Variants in FOXB1 observed in about 807,000 individuals in gnomAD.
FOXB1 encodes the protein forkhead box protein B1.
In FOXB1, 6 loss-of-function variants were observed where a neutral mutation model predicts 18.6. That is an observed-to-expected ratio of 0.32 (90% CI 0.18 to 0.64). The LOEUF (loss-of-function observed/expected upper bound fraction) is 0.64, where lower values mean the gene tolerates loss of function less well. FOXB1 is among the 30% of genes least tolerant of loss of function. The probability of loss-of-function intolerance (pLI) is 0.78; values close to 1 mark genes in which losing one functional copy is unlikely to be tolerated. For synonymous variants in FOXB1, 213 were observed against 216.0 expected (o/e 0.99, Z 0.12); for missense variants, 419 against 463.6 (o/e 0.90, Z 0.88).
In FOXB1 at chr15:60,006,171, G is replaced by A. The variant is rs1055131811; in HGVS notation, c.*230G>A. ...GAGTTGTCCTCGCCCCCACATCAAG[G>A]AAGGCCGGGGCCACCTGAGCCGAAC... On this transcript the variant is annotated 3_prime_UTR_variant, in exon 2 of 2. Transcript: ENST00000396057. The A allele has an allele frequency of 4.5e-5, 25 of 553,912 alleles. No homozygotes were observed. Among genetic ancestry groups the A allele is most frequent in the Non-Finnish European group, 7.3e-5 (24 of 327,494 alleles). 34.3% of individuals were successfully genotyped at this position (553,912 alleles called of 1,614,324 possible).
rs1892081698 is a variant in FOXB1 at position 60,005,458 on chromosome 15, C to G, written c.495C>G (p.Gly165=). The change falls in exon 2 of 2, where the codon GGC becomes GGG. Residue 165 remains glycine, a synonymous_variant. Coordinates refer to ENST00000396057, the MANE Select transcript of FOXB1 (RefSeq NM_012182.3). The surrounding 1 kb of genome is among the most constrained non-coding windows in gnomAD (Gnocchi z 9.8). ...TGGGCGGCGTGGCGCAGCCCTCGGG[C>G]TTCAAGCACCCCTTCGCCATCGAGA... ...YNLGGVAQPS[G]FKHPFAIENI... is the part of the protein sequence containing the mutation. The G allele has an allele frequency of 6.2e-7, 1 of 1,611,506 alleles. No homozygotes were observed. Among genetic ancestry groups the G allele is most frequent in the Non-Finnish European group, 8.5e-7 (1 of 1,179,522 alleles).
chr15:60,005,349 T>G lies in FOXB1; in HGVS notation c.386T>G (p.Leu129Arg). ...AAGCCAGCCGACGCGGCGCAGTACC[T>G]GCAGCAGCAGGCCAAGCTGCGGCTC... ...PSKPADAAQYLQQQAKLRLSA... is the reference protein window; with the variant it reads ...PSKPADAAQYRQQQAKLRLSA... The change falls in exon 2 of 2, where the codon CTG becomes CGG. Residue 129 changes from leucine to arginine, a missense_variant. Leu to Arg is a moderately radical substitution (Grantham distance 102, BLOSUM62 -2). This residue lies in a region of FOXB1 where 71 missense variants were observed against 110.0 expected (regional missense o/e 0.65). Coordinates refer to ENST00000396057, the MANE Select transcript of FOXB1 (RefSeq NM_012182.3). The surrounding 1 kb of genome is among the most constrained non-coding windows in gnomAD (Gnocchi z 9.8). 3 of 1,609,314 alleles carry G rather than the reference T, an allele frequency of 1.9e-6. No individual in the cohort carries two copies. The highest frequency in any genetic ancestry group is 2.5e-6 in the Non-Finnish European group (3 of 1,178,776).
rs148088613 is a variant in FOXB1 at position 60,006,430 on chromosome 15, C to G, written c.*489C>G. 1 of 157,792 alleles carries G rather than the reference C, an allele frequency of 6.3e-6. No homozygotes were observed. The highest frequency in any genetic ancestry group is 2.4e-5 in the African/African-American group (1 of 41,780). The allele number at this position is 157,792 out of a possible 1,614,324, so 9.8% of individuals were successfully genotyped here. A position where few individuals can be genotyped will look rare whatever the true frequency, so the allele number is the denominator to read the frequency against. On this transcript the variant is annotated 3_prime_UTR_variant, in exon 2 of 2. Transcript: ENST00000396057. ...CGCAGGGGAGGGCCGGATCTCTTTA[C>G]GTCTTGGAAATCTGCAGCAAAAAGG...
Position 60,005,333 on chromosome 15 carries a change from G to A in FOXB1, c.370G>A (p.Asp124Asn), listed in dbSNP as rs1434973993. 1.2e-6 allele frequency: 2 copies of A among 1,610,626 alleles called. No homozygotes were observed. Among genetic ancestry groups the A allele is most frequent in the East Asian group, 2.2e-5 (1 of 44,826 alleles). Residue 124 changes from aspartate (D) to asparagine (N), a missense_variant, in exon 2 of 2, where the codon GAC (aspartate) becomes AAC (asparagine). Asp to Asn is a conservative substitution (Grantham distance 23). Coordinates refer to ENST00000396057, the MANE Select transcript of FOXB1 (RefSeq NM_012182.3). The surrounding 1 kb of genome is among the most constrained non-coding windows in gnomAD (Gnocchi z 9.8). ...SDHLAPSKPA[D>N]AAQYLQQQAK... Reference sequence around the variant, plus strand: ...CCACCTGGCGCCCAGCAAGCCAGCCGACGCGGCGCAGTACCTGCAGCAGCA... The same window carrying A: ...CCACCTGGCGCCCAGCAAGCCAGCCAACGCGGCGCAGTACCTGCAGCAGCA...
chr15:60,004,783 G>C (rs561756880), intron 1 of FOXB1, 124 bp from the exon 2 acceptor site: 1 of 572,306 alleles, frequency 1.7e-6, no homozygotes, highest in Non-Finnish European at 3.0e-6. Context: ...GAGTCCGGGC[G>C]CTGGCTGATC....
rs1006735729 is a variant in FOXB1 at position 60,006,266 on chromosome 15, C to T, written c.*325C>T. On this transcript the variant is annotated 3_prime_UTR_variant, in exon 2 of 2. Coordinates refer to ENST00000396057, the MANE Select transcript of FOXB1 (RefSeq NM_012182.3). ...GGGGGAAACCCTGTCACCCCCTCTT[C>T]GCCGAGAAAAGCGCGTCTTCCCTCC... 2.1e-5 allele frequency: 8 copies of T among 389,072 alleles called. No homozygotes were observed. Among genetic ancestry groups the T allele is most frequent in the Admixed American group, 1.7e-4 (4 of 22,894 alleles). 24.1% of individuals were successfully genotyped at this position (389,072 alleles called of 1,614,324 possible).
Position 60,005,905 on chromosome 15 carries a change from C to T in FOXB1, c.942C>T (p.Ser314=), listed in dbSNP as rs1314342412. The T allele has an allele frequency of 6.3e-7, 1 of 1,594,024 alleles. No homozygotes were observed. The highest frequency in any genetic ancestry group is 8.5e-7 in the Non-Finnish European group (1 of 1,173,664). ...CCACCCCCAGCGAAACGCTCACCAG[C>T]CCGGCCTCCGCCTTGCACTCGGTGG... ...SPATPSETLT[S]PASALHSVAV... is the part of the protein sequence containing the mutation. Residue 314 remains serine, a synonymous_variant, in exon 2 of 2, where the codon AGC becomes AGT. Coordinates refer to ENST00000396057, the MANE Select transcript of FOXB1 (RefSeq NM_012182.3). This position sits in a 1 kb window ranked among gnomAD's most constrained non-coding sequence, Gnocchi z 9.8.
At position 60,005,049 on chromosome 15, in the gene FOXB1, C is replaced by G. The variant is rs1892075229; in HGVS notation, c.86C>G (p.Ser29Cys). ...ISLTAMAIQS[S>C]PEKMLPLSEI... The stretch of plus-strand genomic sequence containing the variant: ...CTGACCGCTATGGCCATCCAGAGCT[C>G]TCCCGAGAAGATGCTGCCGCTGAGC... The change falls in exon 2 of 2, where the codon TCT (serine) becomes TGT (cysteine). Residue 29 changes from serine to cysteine, a missense_variant. Ser to Cys is a moderately radical substitution (Grantham distance 112). Transcript: ENST00000396057. This position sits in a 1 kb window ranked among gnomAD's most constrained non-coding sequence, Gnocchi z 9.8. The G allele has an allele frequency of 6.2e-7, 1 of 1,613,866 alleles. No individual in the cohort carries two copies. Among genetic ancestry groups the G allele is most frequent in the Non-Finnish European group, 8.5e-7 (1 of 1,179,968 alleles).
chr15:60,005,453 T>G lies in FOXB1; in HGVS notation c.490T>G (p.Ser164Ala). ...CAACTTGGGCGGCGTGGCGCAGCCC[T>G]CGGGCTTCAAGCACCCCTTCGCCAT... ...AYNLGGVAQP[S>A]GFKHPFAIEN... The change falls in exon 2 of 2, where the codon TCG becomes GCG. Residue 164 changes from serine to alanine, a missense_variant. Ser to Ala is a moderately conservative substitution (Grantham distance 99, BLOSUM62 1). Transcript: ENST00000396057. This position sits in a 1 kb window ranked among gnomAD's most constrained non-coding sequence, Gnocchi z 9.8. 6.2e-7 allele frequency: 1 copy of G among 1,611,460 alleles called. No individual in the cohort carries two copies. The highest frequency in any genetic ancestry group is 8.5e-7 in the Non-Finnish European group (1 of 1,179,486).
In FOXB1 at chr15:60,005,563, C is replaced by T. The variant is rs373982770; in HGVS notation, c.600C>T (p.Leu200=). Residue 200 remains leucine, a synonymous_variant, in exon 2 of 2, where the codon CTC becomes CTT. Transcript: ENST00000396057. The surrounding 1 kb of genome is among the most constrained non-coding windows in gnomAD (Gnocchi z 9.8). Reference sequence around the variant, plus strand: ...AGCCGGTGCCCGCTGCCTACCCGCTCCCCAACCAGTTGACTACCATGGGCA... The same window carrying T: ...AGCCGGTGCCCGCTGCCTACCCGCTTCCCAACCAGTTGACTACCATGGGCA... The part of the protein sequence containing the change: ...AMQPVPAAYP[L]PNQLTTMGSS... The T allele has an allele frequency of 6.2e-7, 1 of 1,609,422 alleles. No homozygotes were observed. The highest frequency in any genetic ancestry group is 8.5e-7 in the Non-Finnish European group (1 of 1,178,648).
chr15:60,006,167 C>G lies in FOXB1; in HGVS notation c.*226C>G. ...GTGGGAGTTGTCCTCGCCCCCACAT[C>G]AAGGAAGGCCGGGGCCACCTGAGCC... On this transcript the variant is annotated 3_prime_UTR_variant, in exon 2 of 2. Coordinates refer to ENST00000396057, the MANE Select transcript of FOXB1 (RefSeq NM_012182.3). 1.8e-6 allele frequency: 1 copy of G among 566,628 alleles called. No homozygotes were observed. The highest frequency in any genetic ancestry group is 3.0e-6 in the Non-Finnish European group (1 of 337,104). 35.1% of individuals were successfully genotyped at this position (566,628 alleles called of 1,614,324 possible). A position where few individuals can be genotyped will look rare whatever the true frequency, so the allele number is the denominator to read the frequency against.
Position 60,004,886 on chromosome 15 carries a change from TATTAC to T in FOXB1, c.-57-20_-57-16del. 7.2e-7 allele frequency: 1 copy of T among 1,391,358 alleles called. No individual in the cohort carries two copies. The highest frequency in any genetic ancestry group is 9.5e-7 in the Non-Finnish European group (1 of 1,051,234). 86.2% of individuals were successfully genotyped at this position (1,391,358 alleles called of 1,614,324 possible). ...TCTGTGCATCCATGCTACCTTTCCC[TATTAC>T]CCACCCCCTTCCCAGATCCGAGCAG... On this transcript the variant is annotated splice_polypyrimidine_tract_variant and intron_variant, in intron 1 of 1. Transcript: ENST00000396057.
At position 60,005,317 on chromosome 15, in the gene FOXB1, G is replaced by C. The variant is rs529808977; in HGVS notation, c.354G>C (p.Ala118=). ...AGGTGCTTAAGTCCGACCACCTGGC[G>C]CCCAGCAAGCCAGCCGACGCGGCGC... ...RFKVLKSDHL[A]PSKPADAAQY... Residue 118 remains alanine, a synonymous_variant, in exon 2 of 2, where the codon GCG becomes GCC. Coordinates refer to ENST00000396057, the MANE Select transcript of FOXB1 (RefSeq NM_012182.3). This position sits in a 1 kb window ranked among gnomAD's most constrained non-coding sequence, Gnocchi z 9.8. 5.4e-4 allele frequency: 875 copies of C among 1,610,594 alleles called. 9 individuals carry two copies. The South Asian group carries it at 9.0e-3, about 17-fold the overall frequency.
At position 60,006,382 on chromosome 15, in the gene FOXB1, C is replaced by A. The variant is rs760578681; in HGVS notation, c.*441C>A. 2.9e-5 allele frequency: 5 copies of A among 171,720 alleles called. No individual in the cohort carries two copies. The highest frequency in any genetic ancestry group is 6.1e-5 in the Non-Finnish European group (5 of 82,020). The allele number at this position is 171,720 out of a possible 1,614,324, so 10.6% of individuals were successfully genotyped here. A position where few individuals can be genotyped will look rare whatever the true frequency, so the allele number is the denominator to read the frequency against. ...CCAGGAACAGATCCCCCCCACACCC[C>A]CTCCCCGCGAGGGCTGCAACAGCGC... On this transcript the variant is annotated 3_prime_UTR_variant, in exon 2 of 2. Transcript: ENST00000396057.
rs770854457 is a variant in FOXB1, at chr15:60,005,915, G to C, written c.952G>C (p.Ala318Pro). ...PSETLTSPAS[A>P]LHSVAVH The stretch of plus-strand genomic sequence containing the variant: ...CGAAACGCTCACCAGCCCGGCCTCC[G>C]CCTTGCACTCGGTGGCGGTGCACTG... Residue 318 changes from alanine to proline, a missense_variant, in exon 2 of 2, where the codon GCC becomes CCC. Ala to Pro is a conservative substitution (Grantham distance 27, BLOSUM62 -1). Around this residue, in one of 3 missense-constraint regions of FOXB1, gnomAD observed 195 missense variants for 179.8 expected, o/e 1.08. Transcript: ENST00000396057. The surrounding 1 kb of genome is among the most constrained non-coding windows in gnomAD (Gnocchi z 9.8). 1 of 1,591,104 alleles carries C rather than the reference G, an allele frequency of 6.3e-7. No homozygotes were observed. The highest frequency in any genetic ancestry group is 1.7e-5 in the Admixed American group (1 of 58,790).
Position 60,005,360 on chromosome 15 carries a change from G to A in FOXB1, c.397G>A (p.Ala133Thr), listed in dbSNP as rs750469666. The part of the protein sequence containing the change: ...ADAAQYLQQQ[A>T]KLRLSALAAS... Reference sequence around the variant, plus strand: ...CGCGGCGCAGTACCTGCAGCAGCAGGCCAAGCTGCGGCTCAGCGCGCTGGC... The same window carrying A: ...CGCGGCGCAGTACCTGCAGCAGCAGACCAAGCTGCGGCTCAGCGCGCTGGC... Residue 133 changes from alanine (A) to threonine (T), a missense_variant, in exon 2 of 2, where the codon GCC (alanine) becomes ACC (threonine). Ala to Thr is a moderately conservative substitution (Grantham distance 58). Around this residue, in one of 3 missense-constraint regions of FOXB1, gnomAD observed 71 missense variants for 110.0 expected, o/e 0.65. Coordinates refer to ENST00000396057, the MANE Select transcript of FOXB1 (RefSeq NM_012182.3). This position sits in a 1 kb window ranked among gnomAD's most constrained non-coding sequence, Gnocchi z 9.8. The A allele has an allele frequency of 5.6e-6, 9 of 1,606,534 alleles. No individual in the cohort carries two copies. In the African/African-American group the frequency reaches 9.4e-5, roughly 17 times the overall value.
intron 1 of FOXB1, 79 bp downstream of exon 1, chr15:60,004,722 T>C (rs926517135): frequency 1.8e-6 from 1 of 559,714 alleles, no homozygotes; most frequent in Non-Finnish European, 3.2e-6. Flanking sequence ...CTCGCGCCGT[T>C]CGCCGGCTTC....
In FOXB1 at chr15:60,005,298, T is replaced by G; in HGVS notation, c.335T>G (p.Leu112Arg). The G allele has an allele frequency of 1.9e-6, 3 of 1,613,018 alleles. No homozygotes were observed. The highest frequency in any genetic ancestry group is 2.5e-6 in the Non-Finnish European group (3 of 1,179,884). Residue 112 changes from leucine (L) to arginine (R), a missense_variant, in exon 2 of 2, where the codon CTT (leucine) becomes CGT (arginine). By Grantham distance (102) the Leu-to-Arg change is moderately radical (BLOSUM62 -2). Transcript: ENST00000396057. This position sits in a 1 kb window ranked among gnomAD's most constrained non-coding sequence, Gnocchi z 9.8. ...FLRRRKRFKVLKSDHLAPSKP... is the reference protein window; with the variant it reads ...FLRRRKRFKVRKSDHLAPSKP... ...CGGCGCCGCAAGCGCTTCAAGGTGC[T>G]TAAGTCCGACCACCTGGCGCCCAGC...
Position 60,005,942 on chromosome 15 carries a change from C to T in FOXB1, c.*1C>T. The T allele has an allele frequency of 6.3e-7, 1 of 1,576,074 alleles. No individual in the cohort carries two copies. Among genetic ancestry groups the T allele is most frequent in the Middle Eastern group, 1.8e-4 (1 of 5,422 alleles). Reference sequence around the variant, plus strand: ...CTTGCACTCGGTGGCGGTGCACTGACCCGCAGGAGCCCACGCCCCCTCTCG... The same window carrying T: ...CTTGCACTCGGTGGCGGTGCACTGATCCGCAGGAGCCCACGCCCCCTCTCG... On this transcript the variant is annotated 3_prime_UTR_variant, in exon 2 of 2. Transcript: ENST00000396057. This position sits in a 1 kb window ranked among gnomAD's most constrained non-coding sequence, Gnocchi z 9.8.
Sources: gnomAD v4.1 joint callset for allele counts on GRCh38, gnomAD v4.1.1 for gene constraint, gnomAD v4.1.1 regional missense constraint, Gnocchi (gnomAD v3.1) non-coding constraint, MANE v1.5 for transcripts, NCBI Gene and HGNC (gene_info 2026-07-23, HGNC 2026-07-21) for gene names.